Variants in OSBPL3 observed in about 807,000 individuals in gnomAD.
OSBPL3 encodes the protein oxysterol binding protein like 3, also known as oxysterol-binding protein-related protein 3.
Under a neutral mutation model 120.1 loss-of-function variants are expected in OSBPL3, and 65 were observed. That is an observed-to-expected ratio of 0.54 (90% CI 0.44 to 0.67). The LOEUF (loss-of-function observed/expected upper bound fraction) is 0.67, where lower values mean the gene tolerates loss of function less well. Among genes scored for constraint, OSBPL3 ranks in the 30% least tolerant of loss-of-function variants. OSBPL3 has a pLI of 0.00. For missense variants in OSBPL3, 1,004 were observed against 1,082.1 expected (o/e 0.93, Z 1.01); for synonymous variants, 416 against 402.6 (o/e 1.03, Z -0.40).
chr7:24,928,316 C>G (rs1332321831), intron 1 of OSBPL3, among the ~76,000 whole-genome samples: 1 of 151,916 alleles, frequency 6.6e-6, no homozygotes, highest in Non-Finnish European at 1.5e-5. Flanking sequence ...CTCAGCCTCC[C>G]GAGTAGCTGG....
At chr7:24,897,129 G>A (rs529903643) in intron 1 of OSBPL3, among the ~76,000 whole-genome samples, 1 of 152,008 alleles carries the variant, frequency 6.6e-6, no homozygotes, top group Non-Finnish European at 1.5e-5. Context: ...AGGCAAGAAG[G>A]AAGGAAGGAA....
Position 24,830,605 on chromosome 7 carries a change from T to C in OSBPL3, c.1884+163A>G, listed in dbSNP as rs1209465346. On this transcript the variant is annotated intron_variant, in intron 16 of 22. Coordinates refer to ENST00000313367, the MANE Select transcript of OSBPL3 (RefSeq NM_015550.4). This position sits in a 1 kb window ranked among gnomAD's most constrained non-coding sequence, Gnocchi z 4.4. ...TTATGCCCCTGGGTGGTGGCTTGGC[T>C]TCAGTGGAAGGGAAATCGATCCCTC... Among the ~76,000 whole-genome samples, 1 of 152,178 alleles carries C rather than the reference T, an allele frequency of 6.6e-6. No homozygotes were observed. The highest frequency in any genetic ancestry group is 1.5e-5 in the Non-Finnish European group (1 of 68,036).
chr7:24,832,366 C>T (rs543066800), intron 15 of OSBPL3, among the ~76,000 whole-genome samples: 2 of 149,174 alleles, frequency 1.3e-5, no homozygotes, highest in South Asian at 2.1e-4. Flanking sequence ...AAAAATTAGC[C>T]GGGTGTGGTG....
intron 13 of OSBPL3, among the ~76,000 whole-genome samples, 157 bp downstream of exon 13, chr7:24,842,122 T>G (rs1382405831): frequency 6.6e-6 from 1 of 152,244 alleles, no homozygotes; most frequent in Non-Finnish European, 1.5e-5. Context: ...CATTTTATAC[T>G]TTTTGGGTAT....
intron 7 of OSBPL3, among the ~76,000 whole-genome samples, chr7:24,865,064 A>G (rs1291498986): frequency 6.6e-6 from 1 of 152,116 alleles, no homozygotes; most frequent in East Asian, 1.9e-4. Context: ...GCCCTTGGAG[A>G]CTGACTTATA....
At position 24,818,230 on chromosome 7, in the gene OSBPL3, C is replaced by T. The variant is rs1794707726; in HGVS notation, c.1949-1542G>A. ...TGAAAATGTTCTAAAATTAACTGTGCTGATAACTGCACAGTTTATTAAATT... is the reference window on the plus strand; with the variant it reads ...TGAAAATGTTCTAAAATTAACTGTGTTGATAACTGCACAGTTTATTAAATT... On this transcript the variant is annotated intron_variant, in intron 17 of 22. Coordinates refer to ENST00000313367, the MANE Select transcript of OSBPL3 (RefSeq NM_015550.4). This position sits in a 1 kb window ranked among gnomAD's most constrained non-coding sequence, Gnocchi z 4.0. 6.6e-6 allele frequency among the ~76,000 whole-genome samples: 1 copy of T among 152,070 alleles called. No individual in the cohort carries two copies. The highest frequency in any genetic ancestry group is 6.5e-5 in the Admixed American group (1 of 15,274).
chr7:24,950,740 A>G (rs988675281), intron 1 of OSBPL3, among the ~76,000 whole-genome samples: 1 of 152,312 alleles, frequency 6.6e-6, no homozygotes. Context: ...AAACAAAACA[A>G]AACAAAAACA....
chr7:24,882,787 T>C (rs551214571), intron 2 of OSBPL3, among the ~76,000 whole-genome samples: 1 of 152,362 alleles, frequency 6.6e-6, no homozygotes, highest in Admixed American at 6.5e-5. Flanking sequence ...TAAGATGATA[T>C]CTCATTGTGG....
At chr7:24,816,480 G>T (rs1247689080) in intron 18 of OSBPL3, 130 bp downstream of exon 18, 124 of 689,884 alleles carry the variant, frequency 1.8e-4, no homozygotes, top group Non-Finnish European at 1.0e-5. Flanking sequence ...TAAACCTACT[G>T]TCAGACAGAT....
intron 1 of OSBPL3, among the ~76,000 whole-genome samples, chr7:24,974,385 A>G (rs1817351305): frequency 6.6e-6 from 1 of 152,174 alleles, no homozygotes; most frequent in Non-Finnish European, 1.5e-5. Context: ...AACTATGAGG[A>G]CCTCTTTTTA....
rs1402235560 is a variant in OSBPL3, at chr7:24,873,155, A to T, written c.97-1086T>A. On this transcript the variant is annotated intron_variant, in intron 2 of 22. Transcript: ENST00000313367. The surrounding 1 kb of genome is among the most constrained non-coding windows in gnomAD (Gnocchi z 4.1). ...ACCTGGACTAACTTGCTTTGAGTCA[A>T]ATCTCCAGCCCACAGGCAGGTGGTA... Among the ~76,000 whole-genome samples, 1 of 152,242 alleles carries T rather than the reference A, an allele frequency of 6.6e-6. No individual in the cohort carries two copies.
In OSBPL3 at chr7:24,805,071, A is replaced by G. The variant is rs751709289; in HGVS notation, c.2445-634T>C. 5.3e-5 allele frequency among the ~76,000 whole-genome samples: 8 copies of G among 152,206 alleles called. No homozygotes were observed. Among genetic ancestry groups the G allele is most frequent in the African/African-American group, 1.7e-4 (7 of 41,470 alleles). ...TGACCTTGTATATCCATCATTTTACATGAGTAAGTAGGAAAAATCTGTAGG... is the reference window on the plus strand; with the variant it reads ...TGACCTTGTATATCCATCATTTTACGTGAGTAAGTAGGAAAAATCTGTAGG... On this transcript the variant is annotated intron_variant, in intron 21 of 22. Transcript: ENST00000313367. This position sits in a 1 kb window ranked among gnomAD's most constrained non-coding sequence, Gnocchi z 4.0.
At chr7:24,847,667 A>G (rs978073851) in intron 12 of OSBPL3, among the ~76,000 whole-genome samples, 8 of 152,232 alleles carry the variant, frequency 5.3e-5, no homozygotes, top group Admixed American at 5.2e-4. Flanking sequence ...GTATTTAACT[A>G]CCTGTTAAAT....
chr7:24,816,165 C>T (rs1794440934), intron 18 of OSBPL3, among the ~76,000 whole-genome samples: 1 of 152,190 alleles, frequency 6.6e-6, no homozygotes, highest in Non-Finnish European at 1.5e-5. Flanking sequence ...GCTGGGACTA[C>T]AGGTGCGTGC....
rs1006573455 is a variant in OSBPL3, at chr7:24,873,972, G to A, written c.97-1903C>T. ...CTTACTTATGATAACATGTACATGC[G>A]GTTTTATCATCCCTGCTGGACAGCA... On this transcript the variant is annotated intron_variant, in intron 2 of 22. Coordinates refer to ENST00000313367, the MANE Select transcript of OSBPL3 (RefSeq NM_015550.4). This position sits in a 1 kb window ranked among gnomAD's most constrained non-coding sequence, Gnocchi z 4.1. 7.2e-5 allele frequency among the ~76,000 whole-genome samples: 11 copies of A among 152,058 alleles called. No homozygotes were observed. The highest frequency in any genetic ancestry group is 2.7e-4 in the African/African-American group (11 of 41,376).
rs1562864412 is a variant in OSBPL3, at chr7:24,872,539, T to C, written c.97-470A>G. ...GAATTGGCTGAACAGTATGAGACAA[T>C]GCAAATCAGTAAATATGACAACTTG... On this transcript the variant is annotated intron_variant, in intron 2 of 22. Coordinates refer to ENST00000313367, the MANE Select transcript of OSBPL3 (RefSeq NM_015550.4). This position sits in a 1 kb window ranked among gnomAD's most constrained non-coding sequence, Gnocchi z 4.1. Among the ~76,000 whole-genome samples the C allele has an allele frequency of 6.7e-6, 1 of 150,360 alleles. No individual in the cohort carries two copies. Among genetic ancestry groups the C allele is most frequent in the Non-Finnish European group, 1.5e-5 (1 of 67,600 alleles).
In OSBPL3 at chr7:24,820,094, G is replaced by C; in HGVS notation, c.1948+81C>G. The C allele has an allele frequency of 9.5e-7, 1 of 1,048,616 alleles. No homozygotes were observed. The highest frequency in any genetic ancestry group is 1.4e-6 in the Non-Finnish European group (1 of 694,374). 65.0% of individuals were successfully genotyped at this position (1,048,616 alleles called of 1,614,324 possible). On this transcript the variant is annotated intron_variant, in intron 17 of 22. Coordinates refer to ENST00000313367, the MANE Select transcript of OSBPL3 (RefSeq NM_015550.4). The surrounding 1 kb of genome is among the most constrained non-coding windows in gnomAD (Gnocchi z 4.6). ...CAAGGACCACTTTTGATCTCAGTAA[G>C]AATTGACAGCAATTCTTGGATAAAA...
chr7:24,846,002 T>C (rs887070453), intron 12 of OSBPL3, among the ~76,000 whole-genome samples: 1 of 152,208 alleles, frequency 6.6e-6, no homozygotes, highest in Non-Finnish European at 1.5e-5. Context: ...GGTAATTAAT[T>C]ATAATAATGT....
intron 5 of OSBPL3, among the ~76,000 whole-genome samples, chr7:24,869,089 C>G (rs538405554): frequency 6.6e-4 from 100 of 152,296 alleles, no homozygotes; most frequent in African/African-American, 2.2e-3. Flanking sequence ...GCTCAGATAA[C>G]TACACTTACC....
Sources: allele counts gnomAD v4.1 joint callset (sites outside exome capture counted in the v4.1 genomes callset), GRCh38; gene constraint gnomAD v4.1.1; non-coding constraint Gnocchi (gnomAD v3.1); transcripts MANE v1.5; gene names NCBI Gene and HGNC (gene_info 2026-07-23, HGNC 2026-07-21).